Variants in NRXN1 observed in about 807,000 individuals in gnomAD.
The protein encoded by NRXN1 is neurexin-1.
Under a neutral mutation model 150.9 loss-of-function variants are expected in NRXN1, and 39 were observed. The ratio of observed to expected loss-of-function variants is 0.26; its 90% confidence interval spans 0.20 to 0.34. The LOEUF (loss-of-function observed/expected upper bound fraction) is 0.34, where lower values mean the gene tolerates loss of function less well. Among genes scored for constraint, NRXN1 ranks in the 10% least tolerant of loss-of-function variants. The pLI is 1.00. For synonymous variants in NRXN1, 924 were observed against 757.0 expected (o/e 1.22, Z -3.62); for missense variants, 1,815 against 1,949.9 (o/e 0.93, Z 1.30).
intron 2 of NRXN1, among the ~76,000 whole-genome samples, chr2:50,963,546 T>C (rs1011880125): frequency 1.3e-5 from 2 of 151,752 alleles, no homozygotes; most frequent in South Asian, 2.1e-4. Context: ...TTTGCAAGTA[T>C]ATAGGTTTGA....
At chr2:50,680,423 G>T (rs1477941497) in intron 5 of NRXN1, among the ~76,000 whole-genome samples, 1 of 152,034 alleles carries the variant, frequency 6.6e-6, no homozygotes, top group Non-Finnish European at 1.5e-5. Flanking sequence ...AAAATAGCAA[G>T]CAAGCTTTTG....
At chr2:50,655,264 A>C (rs983398076) in intron 5 of NRXN1, among the ~76,000 whole-genome samples, 1 of 151,778 alleles carries the variant, frequency 6.6e-6, no homozygotes, top group Non-Finnish European at 1.5e-5. Context: ...ATTAAAAAAA[A>C]CACCAAACTA....
intron 17 of NRXN1, among the ~76,000 whole-genome samples, chr2:50,259,415 T>G (rs1344301196): frequency 6.6e-6 from 1 of 151,874 alleles, no homozygotes; most frequent in Non-Finnish European, 1.5e-5. Context: ...TATAAGGGGT[T>G]TGTTATGTTA....
At chr2:50,560,453 T>TTTAC (rs1001698955) in intron 8 of NRXN1, among the ~76,000 whole-genome samples, 2 of 149,224 alleles carry the variant, frequency 1.3e-5, no homozygotes, top group African/African-American at 5.0e-5. Context: ...TATTTATTTA[T>TTTAC]TTACTTAGAA....
At chr2:50,419,149 A>G (rs1372007349) in intron 17 of NRXN1, among the ~76,000 whole-genome samples, 7 of 152,034 alleles carry the variant, frequency 4.6e-5, no homozygotes, top group Admixed American at 2.0e-4. Context: ...TGATCTGTCA[A>G]TTTCTCCAGG....
chr2:50,388,292 A>G (rs976648751), intron 17 of NRXN1, among the ~76,000 whole-genome samples: 2 of 152,206 alleles, frequency 1.3e-5, no homozygotes, highest in Non-Finnish European at 2.9e-5. Flanking sequence ...ACCAACACAA[A>G]CAATAAATAT....
chr2:50,756,914 G>A (rs538006926), intron 5 of NRXN1, among the ~76,000 whole-genome samples: 2 of 151,862 alleles, frequency 1.3e-5, no homozygotes, highest in East Asian at 3.9e-4. Context: ...GGGTATTTAC[G>A]TGTTAAAACT....
chr2:51,014,496 T>C (rs1454440961), intron 2 of NRXN1, among the ~76,000 whole-genome samples: 2 of 152,100 alleles, frequency 1.3e-5, no homozygotes, highest in Non-Finnish European at 2.9e-5. Flanking sequence ...TATTAAACAG[T>C]TAAATGGAAT....
At chr2:50,271,852 C>A (rs199721368) in intron 17 of NRXN1, among the ~76,000 whole-genome samples, 1 of 151,900 alleles carries the variant, frequency 6.6e-6, no homozygotes, top group African/African-American at 2.4e-5. Flanking sequence ...GAAAAAAAAT[C>A]AAATAAAACT....
rs530617101 is a variant in NRXN1 at position 50,623,782 on chromosome 2, T to A, written c.833-167A>T. Among the ~76,000 whole-genome samples the A allele has an allele frequency of 3.0e-4, 45 of 152,268 alleles. 1 individual carries two copies. Among genetic ancestry groups the A allele is most frequent in the Admixed American group, 1.8e-3 (27 of 15,276 alleles). On this transcript the variant is annotated intron_variant, in intron 5 of 22. Transcript: ENST00000401669. The stretch of plus-strand genomic sequence containing the variant: ...CAGTACTGTACAGGGCAGTATTTTT[T>A]AAAAAATTTTATTATTATTATACTT...
At chr2:51,031,130 G>A (rs1671479487) in intron 1 of NRXN1, among the ~76,000 whole-genome samples, 1 of 152,044 alleles carries the variant, frequency 6.6e-6, no homozygotes, top group African/African-American at 2.4e-5. Context: ...CTCATTGTAT[G>A]TGAGCGAGTA....
chr2:50,553,112 T>C, intron 8 of NRXN1, 87 bp from the exon 9 acceptor site: 2 of 943,394 alleles, frequency 2.1e-6, no homozygotes, highest in African/African-American at 3.3e-5. Flanking sequence ...TTCAACGACA[T>C]CATAAAAAGG....
At chr2:50,314,885 TC>T (rs1263228891) in intron 17 of NRXN1, among the ~76,000 whole-genome samples, 2 of 152,040 alleles carry the variant, frequency 1.3e-5, no homozygotes, top group Non-Finnish European at 2.9e-5. Context: ...CTTATTTTTC[TC>T]ACTTTTAAAA....
At chr2:50,254,263 C>T (rs1017221331) in intron 17 of NRXN1, among the ~76,000 whole-genome samples, 1 of 150,622 alleles carries the variant, frequency 6.6e-6, no homozygotes, top group Non-Finnish European at 1.5e-5. Context: ...TGATGATATC[C>T]CCTTTATCAT....
chr2:50,254,336 T>C (rs1326806303), intron 17 of NRXN1, among the ~76,000 whole-genome samples: 1 of 151,806 alleles, frequency 6.6e-6, no homozygotes, highest in East Asian at 1.9e-4. Context: ...TCAGTCTATC[T>C]GTCTTATTAT....
intron 17 of NRXN1, among the ~76,000 whole-genome samples, chr2:50,430,457 G>A (rs2084873830): frequency 6.6e-6 from 1 of 152,132 alleles, no homozygotes; most frequent in African/African-American, 2.4e-5. Flanking sequence ...TGTGACTAGT[G>A]AGCACTTAAA....
chr2:50,743,333 C>A (rs1699661730), intron 5 of NRXN1, among the ~76,000 whole-genome samples: 1 of 152,016 alleles, frequency 6.6e-6, no homozygotes, highest in Non-Finnish European at 1.5e-5. Context: ...GCTCTACTAA[C>A]AAAATTAATA....
At chr2:50,490,089 G>T (rs1361372575) in intron 15 of NRXN1, among the ~76,000 whole-genome samples, 1 of 152,174 alleles carries the variant, frequency 6.6e-6, no homozygotes, top group African/African-American at 2.4e-5. Context: ...AAATTCTTGT[G>T]TAAGGAAAGG....
intron 13 of NRXN1, among the ~76,000 whole-genome samples, chr2:50,500,088 T>G (rs1374480699): frequency 6.6e-6 from 1 of 152,112 alleles, no homozygotes; most frequent in Non-Finnish European, 1.5e-5. Context: ...TTAAAGTCTC[T>G]ATTGATGAAA....
Sources: allele counts gnomAD v4.1 joint callset (sites outside exome capture counted in the v4.1 genomes callset), GRCh38; gene constraint gnomAD v4.1.1; transcripts MANE v1.5; gene names NCBI Gene and HGNC (gene_info 2026-07-23, HGNC 2026-07-21).